Variants in NFATC3 observed in about 807,000 individuals in gnomAD.
NFATC3 encodes the protein nuclear factor of activated T-cells, cytoplasmic 3.
A neutral mutation model predicts 98.6 loss-of-function variants in NFATC3; 46 were observed. That is an observed-to-expected ratio of 0.47 (90% CI 0.37 to 0.60). NFATC3 has a LOEUF of 0.60. NFATC3 is among the 20% of genes least tolerant of loss of function. The pLI is 0.00. For synonymous variants in NFATC3, 512 were observed against 472.2 expected, an observed-to-expected ratio of 1.08 and a Z score of -1.09; for missense variants, 1,256 against 1,295.5, an observed-to-expected ratio of 0.97 and a Z score of 0.47.
In NFATC3 at chr16:68,188,672, T is replaced by G. The variant is rs144120753; in HGVS notation, c.2099-2096T>G. On this transcript the variant is annotated intron_variant, in intron 8 of 9. Coordinates refer to ENST00000346183, the MANE Select transcript of NFATC3 (RefSeq NM_173165.3). ...ATATCAATATCCAGTGAAGGGATGA[T>G]CATTAATTGCAAATGGCTGGTTCTT... Among the ~76,000 whole-genome samples, 775 of 152,364 alleles carry G rather than the reference T, an allele frequency of 5.1e-3. 5 individuals carry two copies. Among genetic ancestry groups the G allele is most frequent in the African/African-American group, 0.018 (742 of 41,582 alleles).
At chr16:68,116,031 A>G (rs1304053108) in intron 1 of NFATC3, among the ~76,000 whole-genome samples, 1 of 152,132 alleles carries the variant, frequency 6.6e-6, no homozygotes, top group Non-Finnish European at 1.5e-5. Context: ...ATGTGAAGGA[A>G]TAGGGGTAGT....
intron 9 of NFATC3, among the ~76,000 whole-genome samples, chr16:68,216,241 T>A (rs1035195926): frequency 1.3e-5 from 2 of 152,110 alleles, no homozygotes; most frequent in African/African-American, 2.4e-5. Flanking sequence ...CAGAGGAAAA[T>A]GTACAAAATG....
At chr16:68,158,389 AT>A (rs2038719415) in intron 4 of NFATC3, among the ~76,000 whole-genome samples, 1 of 152,202 alleles carries the variant, frequency 6.6e-6, no homozygotes, top group Non-Finnish European at 1.5e-5. Flanking sequence ...TGATACAATT[AT>A]GATTGTTCTA....
intron 3 of NFATC3, among the ~76,000 whole-genome samples, chr16:68,135,785 G>A (rs1319738097): frequency 1.3e-5 from 2 of 152,082 alleles, no homozygotes; most frequent in Non-Finnish European, 2.9e-5. Context: ...AGTTTAGGCT[G>A]GGTGCGGTGG....
intron 8 of NFATC3, among the ~76,000 whole-genome samples, chr16:68,187,021 A>G (rs1486471952): frequency 2.0e-5 from 3 of 152,236 alleles, no homozygotes; most frequent in Admixed American, 6.5e-5. Flanking sequence ...GGCTCGTGCA[A>G]CTGGCCTGGA....
intron 2 of NFATC3, 112 bp from the exon 3 acceptor site, chr16:68,126,336 C>G (rs2036834121): frequency 2.1e-6 from 2 of 948,498 alleles, no homozygotes; most frequent in Non-Finnish European, 3.1e-6. Context: ...TTTTGTAATA[C>G]ATTGTTTCAA....
intron 1 of NFATC3, among the ~76,000 whole-genome samples, chr16:68,098,459 G>A (rs1056267051): frequency 2.0e-5 from 3 of 151,646 alleles, no homozygotes; most frequent in African/African-American, 7.3e-5. Context: ...ACGCCACCAT[G>A]CCCGGCTAAT....
chr16:68,181,095 G>T lies in NFATC3; in HGVS notation c.1916-380G>T, dbSNP rs865810912. On this transcript the variant is annotated intron_variant, in intron 6 of 9. Transcript: ENST00000346183. ...GAATCGCCACACTGTCTTCCACAAT[G>T]GTTGAAGTAGTTTACAGTCCCACCA... 3.3e-5 allele frequency among the ~76,000 whole-genome samples: 5 copies of T among 152,322 alleles called. No homozygotes were observed. In the South Asian group the frequency reaches 1.0e-3, roughly 32 times the overall value.
chr16:68,197,143 T>C (rs2040713372), intron 9 of NFATC3, among the ~76,000 whole-genome samples: 10 of 152,142 alleles, frequency 6.6e-5, no homozygotes, highest in Admixed American at 6.5e-4. Context: ...GAAATCTTGC[T>C]AAACTGCCCA....
intron 1 of NFATC3, among the ~76,000 whole-genome samples, chr16:68,103,320 C>A (rs1416903880): frequency 6.6e-6 from 1 of 152,014 alleles, no homozygotes; most frequent in Non-Finnish European, 1.5e-5. Flanking sequence ...GTTAGCTTCC[C>A]ACCTCAGCCT....
At chr16:68,192,527 G>T (rs1410615558) in intron 9 of NFATC3, among the ~76,000 whole-genome samples, 1 of 151,890 alleles carries the variant, frequency 6.6e-6, no homozygotes, top group East Asian at 1.9e-4. Flanking sequence ...CCTTTTGCAA[G>T]ATGAAGCTAG....
At chr16:68,113,246 T>A (rs1218632313) in intron 1 of NFATC3, among the ~76,000 whole-genome samples, 3 of 152,238 alleles carry the variant, frequency 2.0e-5, no homozygotes, top group African/African-American at 7.2e-5. Flanking sequence ...TCTTTGAGGC[T>A]GCTGACCTTT....
chr16:68,223,054 C>T (rs1567557319), intron 9 of NFATC3, among the ~76,000 whole-genome samples: 1 of 152,184 alleles, frequency 6.6e-6, no homozygotes, highest in Non-Finnish European at 1.5e-5. Flanking sequence ...CTCCATTGTA[C>T]TGATGGGGAA....
chr16:68,169,377 T>A (rs1483225516), intron 5 of NFATC3, among the ~76,000 whole-genome samples: 1 of 152,098 alleles, frequency 6.6e-6, no homozygotes, highest in Admixed American at 6.6e-5. Context: ...TAAGCAATCC[T>A]CCCACCTCAG....
intron 1 of NFATC3, among the ~76,000 whole-genome samples, chr16:68,108,390 T>C (rs541722881): frequency 1.3e-5 from 2 of 152,290 alleles, no homozygotes; most frequent in East Asian, 1.9e-4. Flanking sequence ...TGGTTGTACA[T>C]GTGTGGTCTT....
chr16:68,199,417 G>A (rs2040815879), intron 9 of NFATC3, among the ~76,000 whole-genome samples: 1 of 149,384 alleles, frequency 6.7e-6, no homozygotes, highest in Non-Finnish European at 1.5e-5. Flanking sequence ...GTAGAGGCGG[G>A]GTTTCACTGT....
Position 68,122,171 on chromosome 16 carries a change from A to G in NFATC3, c.288A>G (p.Lys96=). The G allele has an allele frequency of 6.2e-7, 1 of 1,614,132 alleles. No individual in the cohort carries two copies. Among genetic ancestry groups the G allele is most frequent in the Non-Finnish European group, 8.5e-7 (1 of 1,180,020 alleles). Residue 96 remains lysine (K), a synonymous_variant, in exon 2 of 10, where the codon AAA becomes AAG. Transcript: ENST00000346183. ...GAACTTGTGAGATTCCTGAATCTAA[A>G]TATAGCCCATTAGGTGGTCCCAAAC... The part of the protein sequence containing the change: ...YEGTCEIPES[K]YSPLGGPKPF...
chr16:68,162,082 G>A (rs190494855), intron 4 of NFATC3, among the ~76,000 whole-genome samples: 41 of 152,288 alleles, frequency 2.7e-4, no homozygotes, highest in Admixed American at 9.8e-4. Context: ...CATACAGGTA[G>A]TCCTCCTCCT....
chr16:68,119,041 G>A (rs1337923223), intron 1 of NFATC3, among the ~76,000 whole-genome samples: 2 of 152,002 alleles, frequency 1.3e-5, no homozygotes, highest in African/African-American at 2.4e-5. Flanking sequence ...CTAATTTTTT[G>A]TATTTTCAGT....
Sources: allele counts gnomAD v4.1 joint callset (sites outside exome capture counted in the v4.1 genomes callset), GRCh38; gene constraint gnomAD v4.1.1; transcripts MANE v1.5; gene names NCBI Gene and HGNC (gene_info 2026-07-23, HGNC 2026-07-21).